The following PARD3B variants were observed in gnomAD, a reference collection of about 807,000 sequenced individuals.
PARD3B encodes the protein par-3 family cell polarity regulator beta, also known as partitioning defective 3 homolog B.
In PARD3B, 103 loss-of-function variants were observed where a neutral mutation model predicts 130.2. The ratio of observed to expected loss-of-function variants is 0.79; its 90% CI spans 0.67 to 0.93. The LOEUF is 0.93. Among genes scored for constraint, PARD3B ranks in the 40% least tolerant of loss-of-function variants. The pLI, the probability that PARD3B is intolerant of heterozygous loss-of-function variation, is 0.00. For missense variants in PARD3B, 1,609 were observed against 1,499.2 expected (o/e 1.07, Z -1.21); for synonymous variants, 583 against 553.2 (o/e 1.05, Z -0.76).
chr2:205,124,605 C>A lies in PARD3B; in HGVS notation c.1305+139C>A. 2 of 613,494 alleles carry A rather than the reference C, an allele frequency of 3.3e-6. 1 individual carries two copies. The highest frequency in any genetic ancestry group is 1.1e-4 in the East Asian group (2 of 18,466). 38.0% of individuals were successfully genotyped at this position (613,494 alleles called of 1,614,324 possible). On this transcript the variant is annotated intron_variant, in intron 9 of 22. Transcript: ENST00000406610. Reference sequence around the variant, plus strand: ...TATATTAAAAATTATTACTTATAGACAAGATAAGAACTTTAACTATAGAAC... The same window carrying A: ...TATATTAAAAATTATTACTTATAGAAAAGATAAGAACTTTAACTATAGAAC...
rs1051646672 is a variant in PARD3B, at chr2:205,585,918, G to A, written c.3261-29538G>A. On this transcript the variant is annotated intron_variant, in intron 22 of 22. Coordinates refer to ENST00000406610, the MANE Select transcript of PARD3B (RefSeq NM_001302769.2). The surrounding 1 kb of genome is among the most constrained non-coding windows in gnomAD (Gnocchi z 5.4). ...CCCACATCTTACATTCAACAGAGCA[G>A]CCTACGTCCACAATAAACCAACAGT... is the stretch of plus-strand genomic sequence containing the variant. 3.9e-5 allele frequency among the ~76,000 whole-genome samples: 6 copies of A among 152,194 alleles called. No individual in the cohort carries two copies. The highest frequency in any genetic ancestry group is 7.3e-5 in the Non-Finnish European group (5 of 68,056).
At chr2:205,536,446 A>G (rs1053668934) in intron 21 of PARD3B, among the ~76,000 whole-genome samples, 3 of 151,932 alleles carry the variant, frequency 2.0e-5, no homozygotes. Context: ...GATTCTACCC[A>G]CTCTTTGGAT....
intron 3 of PARD3B, among the ~76,000 whole-genome samples, chr2:204,981,252 A>G (rs191876590): frequency 2.6e-5 from 4 of 152,298 alleles, no homozygotes; most frequent in African/African-American, 9.6e-5. Context: ...ACGAGCGTGT[A>G]TATTCACTGA....
intron 15 of PARD3B, among the ~76,000 whole-genome samples, chr2:205,234,784 T>C (rs931813413): frequency 6.6e-6 from 1 of 152,198 alleles, no homozygotes; most frequent in Non-Finnish European, 1.5e-5. Flanking sequence ...TACCGCATTC[T>C]GGACTATTAA....
chr2:204,764,846 T>G (rs2041074762), intron 2 of PARD3B, among the ~76,000 whole-genome samples: 3 of 152,074 alleles, frequency 2.0e-5, no homozygotes, highest in African/African-American at 7.2e-5. Context: ...ATATTTAAAT[T>G]CATTCCTTCC....
chr2:204,944,760 A>C (rs1364553073), intron 2 of PARD3B, among the ~76,000 whole-genome samples: 1 of 152,256 alleles, frequency 6.6e-6, no homozygotes, highest in South Asian at 2.1e-4. Flanking sequence ...ATTTTGTTCT[A>C]ATTGTACCTG....
chr2:204,560,590 G>A (rs929677909), intron 1 of PARD3B, among the ~76,000 whole-genome samples: 4 of 151,712 alleles, frequency 2.6e-5, no homozygotes, highest in African/African-American at 9.7e-5. Context: ...GAGGGGTGGG[G>A]GCAGCCTACC....
chr2:205,150,252 T>TGCGC (rs60163212), intron 10 of PARD3B, among the ~76,000 whole-genome samples: 11,413 of 145,712 alleles, frequency 0.078, 524 homozygotes, highest in East Asian at 0.098. Context: ...TGTGTGTGTG[T>TGCGC]GCACACACGC....
rs749597396 is a variant in PARD3B, at chr2:205,125,785, T to C, written c.1434+48T>C. 4 of 1,605,938 alleles carry C rather than the reference T, an allele frequency of 2.5e-6. No homozygotes were observed. In the South Asian group the frequency reaches 3.3e-5, roughly 13 times the overall value. On this transcript the variant is annotated intron_variant, in intron 10 of 22. Coordinates refer to ENST00000406610, the MANE Select transcript of PARD3B (RefSeq NM_001302769.2). The surrounding 1 kb of genome is among the most constrained non-coding windows in gnomAD (Gnocchi z 4.0). ...ACTGAATTTTTAATGCCGAGCTTAA[T>C]ACACTCAATGAACTCATTATAGCTG...
chr2:204,886,375 GCTGTCACCATTGC>G (rs1280701802), intron 2 of PARD3B, among the ~76,000 whole-genome samples: 2 of 152,174 alleles, frequency 1.3e-5, no homozygotes, highest in African/African-American at 2.4e-5. Flanking sequence ...CATCAAGAAA[GCTGTCACCATTGC>G]CCTAGCACCA....
chr2:205,104,394 C>T (rs1703046342), intron 4 of PARD3B, 32 bp from the exon 5 acceptor site: 9 of 1,444,548 alleles, frequency 6.2e-6, no homozygotes, highest in Non-Finnish European at 7.8e-6. Flanking sequence ...ATATGCACAG[C>T]ATCACATGCT....
intron 2 of PARD3B, among the ~76,000 whole-genome samples, chr2:204,754,756 C>T (rs2040596432): frequency 6.6e-6 from 1 of 152,062 alleles, no homozygotes; most frequent in African/African-American, 2.4e-5. Context: ...CACATTTGAC[C>T]ATTTGGTTTA....
intron 21 of PARD3B, among the ~76,000 whole-genome samples, chr2:205,540,921 A>C (rs1035159325): frequency 1.3e-5 from 2 of 152,204 alleles, no homozygotes; most frequent in African/African-American, 4.8e-5. Flanking sequence ...TTTGGAAGGA[A>C]ATTATGTTGG....
At position 204,545,595 on chromosome 2, in the gene PARD3B, C is replaced by T. The variant is rs1301702719; in HGVS notation, c.-405C>T. On this transcript the variant is annotated 5_prime_UTR_variant, in exon 1 of 23. Coordinates refer to ENST00000406610, the MANE Select transcript of PARD3B (RefSeq NM_001302769.2). ...GCCCACTCCAGCCCCCGGCTTGGGG[C>T]CGGCCCTGCCAACGCCGCCAGGGCC... Among the ~76,000 whole-genome samples, 2 of 152,046 alleles carry T rather than the reference C, an allele frequency of 1.3e-5. No homozygotes were observed. Among genetic ancestry groups the T allele is most frequent in the East Asian group, 3.9e-4 (2 of 5,160 alleles).
chr2:205,206,036 T>C (rs751969846), intron 15 of PARD3B, among the ~76,000 whole-genome samples: 2 of 152,146 alleles, frequency 1.3e-5, no homozygotes, highest in African/African-American at 4.8e-5. Flanking sequence ...AGCTCCTCTT[T>C]GTACCTCTGG....
chr2:204,652,325 T>C (rs149056432), intron 1 of PARD3B, among the ~76,000 whole-genome samples: 1 of 152,308 alleles, frequency 6.6e-6, no homozygotes, highest in African/African-American at 2.4e-5. Context: ...CAGGTCACAT[T>C]GTAAATGCTT....
chr2:204,815,353 A>G (rs964166147), intron 2 of PARD3B, among the ~76,000 whole-genome samples: 9 of 152,096 alleles, frequency 5.9e-5, no homozygotes, highest in African/African-American at 2.2e-4. Flanking sequence ...TGTATTATGT[A>G]TAGACTCTGT....
chr2:205,224,402 A>G (rs1458615670), intron 15 of PARD3B, among the ~76,000 whole-genome samples: 1 of 147,736 alleles, frequency 6.8e-6, no homozygotes, highest in African/African-American at 2.5e-5. Context: ...AGAAAGAAAG[A>G]AAAAGAAAAA....
chr2:205,508,416 A>T (rs545976760), intron 21 of PARD3B, among the ~76,000 whole-genome samples: 1 of 152,098 alleles, frequency 6.6e-6, no homozygotes, highest in East Asian at 1.9e-4. Flanking sequence ...TATGAAAAAT[A>T]CCAAAATTAT....
Sources: gnomAD v4.1 joint callset for allele counts (sites outside exome capture counted in the v4.1 genomes callset) on GRCh38, gnomAD v4.1.1 for gene constraint, Gnocchi (gnomAD v3.1) non-coding constraint, MANE v1.5 for transcripts, NCBI Gene and HGNC (gene_info 2026-07-23, HGNC 2026-07-21) for gene names.